The following ZNF536 variants were observed in gnomAD, a reference collection of about 807,000 sequenced individuals.
The protein encoded by ZNF536 is zinc finger protein 536.
ZNF536 carries 13 observed loss-of-function variants against 84.5 expected under a neutral mutation model. The observed-to-expected ratio is 0.15, with a 90% CI of 0.10 to 0.24. The LOEUF (loss-of-function observed/expected upper bound fraction) is 0.24. Among genes scored for constraint, ZNF536 ranks in the 10% least tolerant of loss-of-function variants. The pLI is 1.00. For missense variants in ZNF536, 1,536 were observed against 1,747.5 expected (o/e 0.88, Z 2.16); for synonymous variants, 811 against 742.5 (o/e 1.09, Z -1.50).
chr19:30,577,985 G>T (rs560343163), intron 1 of ZNF536, among the ~76,000 whole-genome samples: 22 of 152,284 alleles, frequency 1.4e-4, no homozygotes, highest in Admixed American at 9.8e-4. Flanking sequence ...AAACAGATAT[G>T]GTTACATATT....
At chr19:30,656,675 G>T (rs868849523) in intron 1 of ZNF536, among the ~76,000 whole-genome samples, 1 of 152,206 alleles carries the variant, frequency 6.6e-6, no homozygotes, top group Non-Finnish European at 1.5e-5. Context: ...TGTCTACTTT[G>T]GCTGTGTCCC....
chr19:30,299,273 TA>T (rs1335242076), intron 2 of ZNF536, among the ~76,000 whole-genome samples: 2 of 152,246 alleles, frequency 1.3e-5, no homozygotes, highest in African/African-American at 4.8e-5. Flanking sequence ...TGGACATTAT[TA>T]TTTTTAGGGA....
chr19:30,346,951 C>T (rs1039486532), intron 2 of ZNF536, among the ~76,000 whole-genome samples: 2 of 152,184 alleles, frequency 1.3e-5, no homozygotes, highest in East Asian at 3.9e-4. Context: ...AAGTAGTTTA[C>T]ACTTCCACCA....
chr19:30,520,379 G>A (rs1289706384), intron 2 of ZNF536, among the ~76,000 whole-genome samples: 1 of 152,132 alleles, frequency 6.6e-6, no homozygotes, highest in Non-Finnish European at 1.5e-5. Context: ...TGAATGGGGA[G>A]CTCTTTGGAG....
At chr19:30,301,216 A>C (rs2046170954) in intron 2 of ZNF536, among the ~76,000 whole-genome samples, 1 of 152,194 alleles carries the variant, frequency 6.6e-6, no homozygotes, top group East Asian at 1.9e-4. Flanking sequence ...TTCTCAGCAT[A>C]GAGCAGGGAA....
exon 2 of ZNF536, chr19:30,711,033 TAC>T (rs1555847730): frequency 6.6e-6 from 1 of 152,214 alleles, no homozygotes; most frequent in Non-Finnish European, 1.5e-5. Flanking sequence ...AATAGTATTT[TAC>T]ACAGTTTTAA....
At chr19:30,320,614 G>A (rs979509649) in intron 2 of ZNF536, among the ~76,000 whole-genome samples, 1 of 152,166 alleles carries the variant, frequency 6.6e-6, no homozygotes, top group South Asian at 2.1e-4. Flanking sequence ...AGCCCACGGA[G>A]CCCCCGTCAG....
At chr19:30,709,831 G>T (rs71350826) in intron 1 of ZNF536, among the ~76,000 whole-genome samples, 15,598 of 152,122 alleles carry the variant, frequency 0.1, 1,103 homozygotes, top group East Asian at 0.33. Flanking sequence ...TGCCCAGGCT[G>T]ATCTCAAACT....
intron 1 of ZNF536, among the ~76,000 whole-genome samples, chr19:30,237,625 T>A (rs1442912172): frequency 1.3e-5 from 2 of 152,318 alleles, no homozygotes; most frequent in East Asian, 3.9e-4. Context: ...GAGGAAACTT[T>A]GTGTATCTTT....
Position 30,395,036 on chromosome 19 carries a change from C to T in ZNF536, c.-3+22480C>T, listed in dbSNP as rs151061916. On this transcript the variant is annotated intron_variant, in intron 1 of 4. Transcript: ENST00000355537. ...ATGTGTATTCAGGGTTTAGTGTAAT[C>T]CTTATTTGCATTAATGCATTTGTGC... is the stretch of plus-strand genomic sequence containing the variant. 2.8e-3 allele frequency among the ~76,000 whole-genome samples: 424 copies of T among 152,220 alleles called. 2 individuals carry two copies. Among genetic ancestry groups the T allele is most frequent in the African/African-American group, 9.4e-3 (390 of 41,530 alleles).
downstream of ZNF536, among the ~76,000 whole-genome samples, chr19:30,558,350 T>C (rs554156258): frequency 1.1e-3 from 167 of 152,244 alleles, no homozygotes; most frequent in African/African-American, 3.7e-3. Context: ...AAGTGACTTT[T>C]AGGTGTCTAG....
chr19:30,392,992 G>A (rs1261654501), intron 1 of ZNF536, among the ~76,000 whole-genome samples: 1 of 152,214 alleles, frequency 6.6e-6, no homozygotes, highest in South Asian at 2.1e-4. Flanking sequence ...GGCACAAGAT[G>A]ATAGCATTCA....
chr19:30,692,919 C>T (rs79951417), intron 1 of ZNF536, among the ~76,000 whole-genome samples: 1 of 152,150 alleles, frequency 6.6e-6, no homozygotes, highest in Non-Finnish European at 1.5e-5. Context: ...TAATTACACA[C>T]GGGCTCCGTT....
chr19:30,396,926 G>A (rs1230432725), intron 1 of ZNF536, among the ~76,000 whole-genome samples: 3 of 152,086 alleles, frequency 2.0e-5, no homozygotes, highest in Admixed American at 2.0e-4. Flanking sequence ...CTTTTAAAGG[G>A]CTTCCTGACC....
intron 1 of ZNF536, among the ~76,000 whole-genome samples, chr19:30,575,625 C>T (rs1236328584): frequency 6.6e-6 from 1 of 152,204 alleles, no homozygotes; most frequent in African/African-American, 2.4e-5. Flanking sequence ...AGGCAGCTCA[C>T]AGTCTAGAGG....
At chr19:30,687,511 C>T (rs1029841147) in intron 1 of ZNF536, among the ~76,000 whole-genome samples, 7 of 152,192 alleles carry the variant, frequency 4.6e-5, no homozygotes, top group Non-Finnish European at 8.8e-5. Context: ...AAAGTAAGCC[C>T]TTCCCATACA....
chr19:30,617,159 G>A (rs2048324765), intron 1 of ZNF536, among the ~76,000 whole-genome samples: 1 of 149,384 alleles, frequency 6.7e-6, no homozygotes. Context: ...TGGGTTTTTG[G>A]GGAACAGGTG....
chr19:30,335,318 G>A (rs902994354), intron 2 of ZNF536, among the ~76,000 whole-genome samples: 5 of 152,240 alleles, frequency 3.3e-5, no homozygotes, highest in African/African-American at 9.6e-5. Context: ...TAAAATAACC[G>A]TGCATATGAG....
At chr19:30,460,370 C>T (rs776472954) in intron 2 of ZNF536, among the ~76,000 whole-genome samples, 10 of 152,094 alleles carry the variant, frequency 6.6e-5, no homozygotes, top group Non-Finnish European at 1.2e-4. Context: ...AAAATGTCAC[C>T]GCTCCGAGGT....
Sources: allele counts gnomAD v4.1 joint callset (sites outside exome capture counted in the v4.1 genomes callset), GRCh38; gene constraint gnomAD v4.1.1; transcripts MANE v1.5; gene names NCBI Gene and HGNC (gene_info 2026-07-23, HGNC 2026-07-21).